Variants in TCTN3 observed in about 807,000 individuals in gnomAD.
The protein encoded by TCTN3 is tectonic-3.
A neutral mutation model predicts 71.3 loss-of-function variants in TCTN3; 57 were observed. That is an observed-to-expected ratio of 0.80 (90% CI 0.65 to 1.00). The LOEUF (loss-of-function observed/expected upper bound fraction) is 1.00. Ranked by LOEUF, TCTN3 falls within the 50% of genes least tolerant of loss-of-function variation. TCTN3 has a pLI of 0.00. For synonymous variants in TCTN3, 258 were observed against 267.8 expected (o/e 0.96, Z 0.36); for missense variants, 696 against 719.9 (o/e 0.97, Z 0.38).
At chr10:95,680,310 GGGT>G (rs1214545002) in intron 13 of TCTN3, among the ~76,000 whole-genome samples, 159 bp downstream of exon 13, 1 of 150,504 alleles carries the variant, frequency 6.6e-6, no homozygotes, top group Non-Finnish European at 1.5e-5. Context: ...TAATCAGGCA[GGGT>G]GAATAGACTT....
rs1491473709 is a variant in TCTN3, at chr10:95,682,754, A to AGAGTC, written c.1344_1348dup (p.Leu450ArgfsTer39). The AGAGTC allele has an allele frequency of 7.4e-6, 12 of 1,614,034 alleles. No homozygotes were observed. Among genetic ancestry groups the AGAGTC allele is most frequent in the Non-Finnish European group, 1.0e-5 (12 of 1,180,012 alleles). On this transcript the variant is annotated frameshift_variant, in exon 12 of 14. Transcript: ENST00000371217. LOFTEE classifies it high-confidence loss of function. ...ATACTCTGGTCTGGGCCTTCCATGA[A>AGAGTC]GAGTCTGATAAATCTCCTGCTGCAA...
chr10:95,669,753 A>G (rs1424508865), intron 13 of TCTN3, among the ~76,000 whole-genome samples: 1 of 152,200 alleles, frequency 6.6e-6, no homozygotes, highest in Admixed American at 6.5e-5. Flanking sequence ...CAAAGTAGAA[A>G]GTATGTCACA....
At position 95,682,532 on chromosome 10, in the gene TCTN3, C is replaced by T; in HGVS notation, c.1452+119G>A. The T allele has an allele frequency of 2.5e-6, 3 of 1,202,746 alleles. No individual in the cohort carries two copies. In the South Asian group the frequency reaches 5.0e-5, roughly 20 times the overall value. The allele number at this position is 1,202,746 out of a possible 1,614,324, so 74.5% of individuals were successfully genotyped here. A position where few individuals can be genotyped will look rare whatever the true frequency, so the allele number is the denominator to read the frequency against. Reference sequence around the variant, plus strand: ...CTTCAAGTGGGCATGATTTCTTATACTCTTCCTTCTATGACAAATGCATTA... The same window carrying T: ...CTTCAAGTGGGCATGATTTCTTATATTCTTCCTTCTATGACAAATGCATTA... On this transcript the variant is annotated intron_variant, in intron 12 of 13. Transcript: ENST00000371217.
chr10:95,678,885 C>A lies in TCTN3; in HGVS notation c.1590+1587G>T, dbSNP rs190815770. Among the ~76,000 whole-genome samples, 40 of 152,280 alleles carry A rather than the reference C, an allele frequency of 2.6e-4. No individual in the cohort carries two copies. In the East Asian group the frequency reaches 7.3e-3, roughly 28 times the overall value. On this transcript the variant is annotated intron_variant, in intron 13 of 13. Transcript: ENST00000371217. The stretch of plus-strand genomic sequence containing the variant: ...GCATAGCGTCTTTCATGGGGATGAG[C>A]TGGTTAGCCCATAAAGTGAAAATTT...
chr10:95,689,453 T>C (rs550112305), intron 3 of TCTN3, among the ~76,000 whole-genome samples: 1 of 152,222 alleles, frequency 6.6e-6, no homozygotes, highest in Non-Finnish European at 1.5e-5. Flanking sequence ...TCGGAACTCA[T>C]ACCCTGAAAA....
At position 95,687,138 on chromosome 10, in the gene TCTN3, G is replaced by A. The variant is rs748294327; in HGVS notation, c.758C>T (p.Thr253Ile). Residue 253 changes from threonine (T) to isoleucine (I), a missense_variant, in exon 6 of 14, where the codon ACA becomes ATA. Transcript: ENST00000371217. Reference sequence around the variant, plus strand: ...GTTCTTGAAAAAACGAGTGCAAGTTGTACTTTTACTCTCTAGGAAACCTTA... The same window carrying A: ...GTTCTTGAAAAAACGAGTGCAAGTTATACTTTTACTCTCTAGGAAACCTTA... ...NPAGFLESKS[T>I]TCTRFFKNLA... 2.0e-5 allele frequency: 33 copies of A among 1,614,046 alleles called. No homozygotes were observed. The highest frequency in any genetic ancestry group is 2.5e-5 in the Non-Finnish European group (30 of 1,179,986).
At chr10:95,684,755 G>A (rs763343317) in intron 8 of TCTN3, 131 bp from the exon 9 acceptor site, 20 of 951,662 alleles carry the variant, frequency 2.1e-5, no homozygotes, top group Non-Finnish European at 2.9e-5. Flanking sequence ...TGTTAAAAAT[G>A]CCAAACACAA....
Position 95,688,713 on chromosome 10 carries a change from G to A in TCTN3, c.500-994C>T, listed in dbSNP as rs192282286. Among the ~76,000 whole-genome samples the A allele has an allele frequency of 1.4e-3, 216 of 152,206 alleles. 3 individuals carry two copies. The highest frequency in any genetic ancestry group is 4.9e-3 in the African/African-American group (205 of 41,532). On this transcript the variant is annotated intron_variant, in intron 3 of 13. Transcript: ENST00000371217. ...TCAAGATTTTAGATACTTCAAAAGG[G>A]TATTTTCTGGAAGAATTCTCTAATT...
intron 3 of TCTN3, among the ~76,000 whole-genome samples, chr10:95,688,949 T>C (rs1239592920): frequency 6.6e-6 from 1 of 152,226 alleles, no homozygotes; most frequent in Admixed American, 6.5e-5. Flanking sequence ...GCCAGTTTCA[T>C]TCTTCATATA....
At chr10:95,684,674 A>G (rs367749454) in intron 8 of TCTN3, 50 bp from the exon 9 acceptor site, 648 of 1,603,924 alleles carry the variant, frequency 4.0e-4, no homozygotes, top group Non-Finnish European at 5.3e-4. Context: ...TGGGCCGAAT[A>G]TGTTTAGGAC....
Position 95,664,152 on chromosome 10 carries a change from C to G in TCTN3, c.1739G>C (p.Gly580Ala). The G allele has an allele frequency of 1.2e-6, 2 of 1,614,150 alleles. No individual in the cohort carries two copies. Among genetic ancestry groups the G allele is most frequent in the Non-Finnish European group, 1.7e-6 (2 of 1,180,022 alleles). Reference sequence around the variant, plus strand: ...GACTGAGCATTTTTGAGAGAATACTCCTCTGCTGAATGCCACTTTGAAGGG... The same window carrying G: ...GACTGAGCATTTTTGAGAGAATACTGCTCTGCTGAATGCCACTTTGAAGGG... ...FFPFKVAFSR[G>A]VFSQKCSVSP... The change falls in exon 14 of 14, where the codon GGA (glycine) becomes GCA (alanine). Residue 580 changes from glycine to alanine, a missense_variant. Coordinates refer to ENST00000371217, the MANE Select transcript of TCTN3 (RefSeq NM_015631.6).
intron 13 of TCTN3, among the ~76,000 whole-genome samples, chr10:95,672,374 A>G (rs2097932541): frequency 6.6e-6 from 1 of 152,164 alleles, no homozygotes; most frequent in South Asian, 2.1e-4. Flanking sequence ...TTCCTTGCAC[A>G]AGCCTTTTTT....
chr10:95,693,631 C>T lies in TCTN3; in HGVS notation c.256+13G>A. 6.5e-7 allele frequency: 1 copy of T among 1,548,852 alleles called. No homozygotes were observed. Among genetic ancestry groups the T allele is most frequent in the Non-Finnish European group, 8.7e-7 (1 of 1,146,250 alleles). ...CAGAAGTAAGTTTCCACCCCCACAA[C>T]GTTTTCCCTCACCTGGGAAGAGGTC... On this transcript the variant is annotated intron_variant, in intron 1 of 13. Transcript: ENST00000371217.
intron 13 of TCTN3, among the ~76,000 whole-genome samples, chr10:95,666,225 G>A (rs2097925516): frequency 6.7e-6 from 1 of 148,892 alleles, no homozygotes; most frequent in South Asian, 2.1e-4. Flanking sequence ...ACAGGTGTGA[G>A]CCACCATGCC....
Position 95,684,634 on chromosome 10 carries a change from A to C in TCTN3, c.970-10T>G. The C allele has an allele frequency of 6.2e-7, 1 of 1,612,408 alleles. No individual in the cohort carries two copies. The highest frequency in any genetic ancestry group is 8.5e-7 in the Non-Finnish European group (1 of 1,179,174). ...CTATCTCATAGGTGACCTGAAATGC[A>C]AAAAGAATCAATTAATAAAAAGTAG... On this transcript the variant is annotated splice_polypyrimidine_tract_variant and intron_variant, in intron 8 of 13. Coordinates refer to ENST00000371217, the MANE Select transcript of TCTN3 (RefSeq NM_015631.6).
At chr10:95,666,640 T>C (rs916133174) in intron 13 of TCTN3, among the ~76,000 whole-genome samples, 1 of 152,206 alleles carries the variant, frequency 6.6e-6, no homozygotes, top group African/African-American at 2.4e-5. Flanking sequence ...TGACCTATAC[T>C]GGCTGAAATG....
chr10:95,683,366 T>C, intron 10 of TCTN3, 156 bp downstream of exon 10: 1 of 1,511,680 alleles, frequency 6.6e-7, no homozygotes, highest in Non-Finnish European at 8.9e-7. Flanking sequence ...GAGAGACAAC[T>C]AGATTCCAAA....
chr10:95,686,966 C>T (rs1287409899), intron 6 of TCTN3, 78 bp downstream of exon 6: 11 of 1,294,218 alleles, frequency 8.5e-6, no homozygotes, highest in African/African-American at 1.5e-5. Flanking sequence ...AATGCTCTTT[C>T]CACAACCCAC....
At chr10:95,674,412 A>G (rs948855865) in intron 13 of TCTN3, among the ~76,000 whole-genome samples, 4 of 152,110 alleles carry the variant, frequency 2.6e-5, no homozygotes, top group African/African-American at 9.6e-5. Flanking sequence ...ATAAATAAAA[A>G]TAATAAAACC....
Sources: allele counts gnomAD v4.1 joint callset (sites outside exome capture counted in the v4.1 genomes callset), GRCh38; gene constraint gnomAD v4.1.1; transcripts MANE v1.5; gene names NCBI Gene and HGNC (gene_info 2026-07-23, HGNC 2026-07-21).